The following SGK1 variants were observed in gnomAD, a reference collection of about 807,000 sequenced individuals.
SGK1 encodes the protein serine/threonine-protein kinase Sgk1.
Under a neutral mutation model 64.2 loss-of-function variants are expected in SGK1, and 26 were observed. The ratio of observed to expected loss-of-function variants is 0.40; its 90% CI spans 0.30 to 0.56. The LOEUF (loss-of-function observed/expected upper bound fraction) is 0.56, where lower values mean the gene tolerates loss of function less well. SGK1 is among the 20% of genes least tolerant of loss of function. The pLI, the probability that SGK1 is intolerant of heterozygous loss-of-function variation, is 0.38. For synonymous variants in SGK1, 265 were observed against 239.7 expected, an observed-to-expected ratio of 1.11 and a Z score of -0.98; for missense variants, 519 against 645.6, an observed-to-expected ratio of 0.80 and a Z score of 2.12.
intron 3 of SGK1, chr6:134,175,485 C>T: frequency 7.3e-7 from 1 of 1,365,658 alleles, no homozygotes; most frequent in South Asian, 1.7e-5. Flanking sequence ...CGGCCCCTGC[C>T]TCCAAGCCGC....
Position 134,170,318 on chromosome 6 carries a change from C to T in SGK1, c.1531G>A (p.Glu511Lys), listed in dbSNP as rs779967650. 29 of 1,613,966 alleles carry T rather than the reference C, an allele frequency of 1.8e-5. No individual in the cohort carries two copies. In the South Asian group the frequency reaches 2.7e-4, roughly 15 times the overall value. ...GCATAGGAAAAGCCTAGGAAAGCCT[C>T]GGCAGCTTCCTTGACGCTGGCTGTG... ...LVTASVKEAAEAFLGFSYAPP... is the reference protein window; with the variant it reads ...LVTASVKEAAKAFLGFSYAPP... The change falls in exon 14 of 14, where the codon GAG (glutamate) becomes AAG (lysine). Residue 511 changes from glutamate to lysine, a missense_variant. By Grantham distance (56) the Glu-to-Lys change is moderately conservative. This residue lies in a region of SGK1 where 278 missense variants were observed against 408.7 expected (regional missense o/e 0.68). Coordinates refer to ENST00000367858, the MANE Select transcript of SGK1 (RefSeq NM_001143676.3).
intron 3 of SGK1, among the ~76,000 whole-genome samples, chr6:134,197,879 T>TATAAA (rs1249804051): frequency 2.4e-4 from 21 of 86,240 alleles, no homozygotes; most frequent in East Asian, 4.4e-4. Context: ...TAAAATAAAA[T>TATAAA]ATAAAATAAA....
intron 2 of SGK1, among the ~76,000 whole-genome samples, chr6:134,209,232 G>A (rs1049843139): frequency 2.0e-5 from 3 of 152,014 alleles, no homozygotes; most frequent in Non-Finnish European, 2.9e-5. Context: ...TCAGGAGTTC[G>A]AGACCAACCT....
intron 3 of SGK1, among the ~76,000 whole-genome samples, chr6:134,195,644 T>C (rs902936619): frequency 9.2e-5 from 14 of 152,326 alleles, no homozygotes; most frequent in African/African-American, 3.1e-4. Context: ...TTGTAGATGG[T>C]TTAAGTCATG....
chr6:134,271,179 C>T (rs914297463), intron 1 of SGK1, among the ~76,000 whole-genome samples: 1 of 133,568 alleles, frequency 7.5e-6, no homozygotes, highest in Admixed American at 7.6e-5. Context: ...ATTAGTCGGG[C>T]GCGGGGGCAC....
intron 2 of SGK1, among the ~76,000 whole-genome samples, chr6:134,211,246 T>C (rs762296341): frequency 6.6e-6 from 1 of 152,208 alleles, no homozygotes; most frequent in Non-Finnish European, 1.5e-5. Context: ...CAGAAGACAT[T>C]TGATACATAA....
chr6:134,176,502 A>G (rs955500628), intron 3 of SGK1, among the ~76,000 whole-genome samples: 4 of 152,128 alleles, frequency 2.6e-5, no homozygotes, highest in Admixed American at 2.6e-4. Context: ...CGGCGCGGGG[A>G]CGTGAGCCAG....
chr6:134,238,217 G>A (rs1056254328), intron 2 of SGK1, among the ~76,000 whole-genome samples: 1 of 152,202 alleles, frequency 6.6e-6, no homozygotes, highest in African/African-American at 2.4e-5. Flanking sequence ...TCTCAAGAGA[G>A]CAAGAAATGG....
chr6:134,288,767 C>T (rs1016377006), intron 1 of SGK1, among the ~76,000 whole-genome samples: 11 of 152,048 alleles, frequency 7.2e-5, no homozygotes, highest in East Asian at 1.9e-4. Flanking sequence ...CTTTGTGATA[C>T]GTTTTCTATA....
chr6:134,173,939 A>T, intron 5 of SGK1, 66 bp downstream of exon 5: 1 of 1,059,436 alleles, frequency 9.4e-7, no homozygotes, highest in Non-Finnish European at 1.4e-6. Flanking sequence ...TTAATCCATT[A>T]ATGTAGGAAT....
At chr6:134,188,620 A>G (rs1775458859) in intron 3 of SGK1, among the ~76,000 whole-genome samples, 1 of 152,336 alleles carries the variant, frequency 6.6e-6, no homozygotes, top group East Asian at 1.9e-4. Flanking sequence ...CAGAGACATG[A>G]AAACAATAAT....
At chr6:134,242,247 AG>A (rs1346700920) in intron 2 of SGK1, among the ~76,000 whole-genome samples, 1 of 152,088 alleles carries the variant, frequency 6.6e-6, no homozygotes, top group African/African-American at 2.4e-5. Flanking sequence ...GCACTTTGGG[AG>A]GCCAAGGTGG....
chr6:134,226,940 G>A (rs1322509589), intron 2 of SGK1, among the ~76,000 whole-genome samples: 2 of 152,076 alleles, frequency 1.3e-5, no homozygotes, highest in African/African-American at 4.8e-5. Flanking sequence ...CTCACACTTT[G>A]GCCTCCCAGA....
At chr6:134,215,524 A>G (rs1199119551) in intron 2 of SGK1, among the ~76,000 whole-genome samples, 1 of 152,100 alleles carries the variant, frequency 6.6e-6, no homozygotes, top group Non-Finnish European at 1.5e-5. Flanking sequence ...ATTGGTAGGG[A>G]AAAAAAGCAG....
At chr6:134,213,749 G>T (rs1183198416) in intron 2 of SGK1, among the ~76,000 whole-genome samples, 4 of 152,038 alleles carry the variant, frequency 2.6e-5, no homozygotes, top group African/African-American at 7.2e-5. Context: ...GAATCCACAT[G>T]GGCTCTTTGG....
intron 3 of SGK1, among the ~76,000 whole-genome samples, chr6:134,181,679 TAGA>T (rs1775333672): frequency 6.6e-6 from 1 of 151,788 alleles, no homozygotes; most frequent in Non-Finnish European, 1.5e-5. Context: ...ATAATCAATC[TAGA>T]AGGAGGCAAC....
At chr6:134,226,432 G>A (rs1404500010) in intron 2 of SGK1, among the ~76,000 whole-genome samples, 7 of 151,784 alleles carry the variant, frequency 4.6e-5, no homozygotes, top group Non-Finnish European at 8.8e-5. Context: ...GAGTGCAGTG[G>A]CGCATGCTAT....
chr6:134,193,025 T>G (rs1373083130), intron 3 of SGK1, among the ~76,000 whole-genome samples: 2 of 152,252 alleles, frequency 1.3e-5, no homozygotes, highest in Non-Finnish European at 2.9e-5. Context: ...TTAAAAATTG[T>G]GTTTACATTT....
chr6:134,235,394 C>T (rs1377732428), intron 2 of SGK1, among the ~76,000 whole-genome samples: 1 of 151,580 alleles, frequency 6.6e-6, no homozygotes, highest in East Asian at 1.9e-4. Context: ...GTAAAGAAAG[C>T]GGGGGGAGGA....
Sources: allele counts gnomAD v4.1 joint callset (sites outside exome capture counted in the v4.1 genomes callset), GRCh38; gene constraint gnomAD v4.1.1; regional missense constraint gnomAD v4.1.1; transcripts MANE v1.5; gene names NCBI Gene and HGNC (gene_info 2026-07-23, HGNC 2026-07-21).